The following FAT3 variants were observed in gnomAD, a reference collection of about 807,000 sequenced individuals.
The protein encoded by FAT3 is protocadherin Fat 3.
FAT3 carries 95 observed loss-of-function variants against 310.2 expected under a neutral mutation model. The ratio of observed to expected loss-of-function variants is 0.31; its 90% confidence interval spans 0.26 to 0.36. FAT3 has a LOEUF of 0.36. Among genes scored for constraint, FAT3 ranks in the 10% least tolerant of loss-of-function variants. The pLI is 1.00. For synonymous variants in FAT3, 2,314 were observed against 2,192.9 expected, an observed-to-expected ratio of 1.06 and a Z score of -1.54; for missense variants, 5,408 against 5,715.6, an observed-to-expected ratio of 0.95 and a Z score of 1.74.
chr11:92,713,538 C>T (rs954249215), intron 4 of FAT3, among the ~76,000 whole-genome samples: 1 of 152,192 alleles, frequency 6.6e-6, no homozygotes, highest in Non-Finnish European at 1.5e-5. Context: ...TGCTCATCCA[C>T]ATGCATATTG....
intron 1 of FAT3, among the ~76,000 whole-genome samples, chr11:92,272,156 G>T (rs947847723): frequency 1.3e-5 from 2 of 152,130 alleles, no homozygotes; most frequent in Non-Finnish European, 2.9e-5. Context: ...AGATGGAGAG[G>T]TGATGGAAGG....
At chr11:92,529,178 G>C (rs1400896858) in intron 3 of FAT3, among the ~76,000 whole-genome samples, 1 of 152,156 alleles carries the variant, frequency 6.6e-6, no homozygotes, top group Non-Finnish European at 1.5e-5. Flanking sequence ...ACCATTTAAG[G>C]CAGCTTATTT....
chr11:92,752,093 G>A (rs761928856), intron 4 of FAT3, among the ~76,000 whole-genome samples: 9 of 152,184 alleles, frequency 5.9e-5, no homozygotes, highest in Non-Finnish European at 7.3e-5. Context: ...TCTGTTAAGG[G>A]CACTTAACAG....
At chr11:92,599,466 A>G (rs1344971089) in intron 3 of FAT3, among the ~76,000 whole-genome samples, 1 of 152,162 alleles carries the variant, frequency 6.6e-6, no homozygotes, top group Non-Finnish European at 1.5e-5. Context: ...TGGGAACTAC[A>G]GTTCAAGACG....
In FAT3 at chr11:92,466,903, G is replaced by A. The variant is rs558943963; in HGVS notation, c.3293-57731G>A. ...CAATTTCATCCATGTCCCTACAAAGGACATGAACTCATCATTTTGTATGGC... is the reference window on the plus strand; with the variant it reads ...CAATTTCATCCATGTCCCTACAAAGAACATGAACTCATCATTTTGTATGGC... On this transcript the variant is annotated intron_variant, in intron 2 of 27. Coordinates refer to ENST00000525166, the MANE Select transcript of FAT3 (RefSeq NM_001367949.2). Among the ~76,000 whole-genome samples, 123 of 151,726 alleles carry A rather than the reference G, an allele frequency of 8.1e-4. 1 individual carries two copies. The South Asian group carries it at 0.025, about 31-fold the overall frequency.
At chr11:92,360,019 G>C (rs1406154172) in intron 2 of FAT3, among the ~76,000 whole-genome samples, 1 of 151,482 alleles carries the variant, frequency 6.6e-6, no homozygotes, top group Non-Finnish European at 1.5e-5. Flanking sequence ...TGGGTCAAAT[G>C]GTATTTCTAG....
intron 1 of FAT3, among the ~76,000 whole-genome samples, chr11:92,262,274 A>G (rs1865590100): frequency 6.6e-6 from 1 of 152,136 alleles, no homozygotes; most frequent in African/African-American, 2.4e-5. Context: ...AGCCTTCAGA[A>G]TTCCTCATCT....
chr11:92,702,180 TAGAC>T (rs919717876), intron 4 of FAT3, among the ~76,000 whole-genome samples: 2 of 152,176 alleles, frequency 1.3e-5, no homozygotes, highest in African/African-American at 4.8e-5. Context: ...CGCTGTCTGT[TAGAC>T]AGTACATGTT....
At chr11:92,468,298 A>G (rs534702262) in intron 2 of FAT3, among the ~76,000 whole-genome samples, 1 of 152,340 alleles carries the variant, frequency 6.6e-6, no homozygotes, top group East Asian at 1.9e-4. Context: ...TTGAGATTCC[A>G]TTCTCTTAGA....
At chr11:92,785,951 C>T (rs1946881330) in intron 7 of FAT3, among the ~76,000 whole-genome samples, 1 of 152,098 alleles carries the variant, frequency 6.6e-6, no homozygotes. Flanking sequence ...ATAATTAAAA[C>T]ATGTTGGTAC....
intron 2 of FAT3, among the ~76,000 whole-genome samples, chr11:92,450,280 A>G (rs1387465329): frequency 6.6e-6 from 1 of 152,304 alleles, no homozygotes; most frequent in East Asian, 1.9e-4. Flanking sequence ...TTTAACCTTG[A>G]CATTGGATGG....
At chr11:92,372,757 T>G in intron 2 of FAT3, among the ~76,000 whole-genome samples, 1 of 151,854 alleles carries the variant, frequency 6.6e-6, no homozygotes, top group Non-Finnish European at 1.5e-5. Flanking sequence ...GCCTCCCGGG[T>G]TCATGCCATT....
intron 3 of FAT3, among the ~76,000 whole-genome samples, chr11:92,576,851 A>G (rs1162033937): frequency 6.6e-6 from 1 of 152,064 alleles, no homozygotes; most frequent in Non-Finnish European, 1.5e-5. Context: ...CACTGAAGCT[A>G]TTTTTTTAAA....
intron 3 of FAT3, among the ~76,000 whole-genome samples, chr11:92,564,957 T>C: frequency 7.0e-6 from 1 of 142,598 alleles, no homozygotes; most frequent in African/African-American, 2.5e-5. Flanking sequence ...ATTGACACCC[T>C]AACATCACAA....
intron 2 of FAT3, among the ~76,000 whole-genome samples, chr11:92,357,780 G>A (rs533402337): frequency 2.6e-4 from 40 of 152,026 alleles, no homozygotes; most frequent in African/African-American, 8.4e-4. Context: ...TTTTCCCACA[G>A]GTAACTTGCT....
intron 4 of FAT3, among the ~76,000 whole-genome samples, chr11:92,726,437 T>A (rs569826787): frequency 2.2e-4 from 34 of 152,266 alleles, no homozygotes; most frequent in Admixed American, 9.8e-4. Flanking sequence ...CAATGGGAAC[T>A]GGTGAAATTG....
chr11:92,682,769 G>A (rs938326024), intron 3 of FAT3, among the ~76,000 whole-genome samples: 5 of 152,122 alleles, frequency 3.3e-5, no homozygotes, highest in Non-Finnish European at 5.9e-5. Context: ...AGGGAATGGG[G>A]AGGAAGTGCT....
Position 92,336,186 on chromosome 11 carries a change from G to A in FAT3, c.-17-15910G>A, listed in dbSNP as rs1270867633. The A allele has an allele frequency of 1.1e-5, 6 of 565,520 alleles. No individual in the cohort carries two copies. The African/African-American group carries it at 1.1e-4, about 11-fold the overall frequency. 35.0% of individuals were successfully genotyped at this position (565,520 alleles called of 1,614,324 possible). On this transcript the variant is annotated intron_variant, in intron 1 of 27. Transcript: ENST00000525166. Reference sequence around the variant, plus strand: ...GTAATCAGGCAGATAGGCCACAAAGGTGCTGCCAAGGACCGGGACAATGGA... The same window carrying A: ...GTAATCAGGCAGATAGGCCACAAAGATGCTGCCAAGGACCGGGACAATGGA...
At chr11:92,753,772 T>TGG (rs1945889138) in intron 4 of FAT3, among the ~76,000 whole-genome samples, 1 of 115,332 alleles carries the variant, frequency 8.7e-6, no homozygotes, top group African/African-American at 4.2e-5. Context: ...AAAGAAACTG[T>TGG]GGTGTGTGTG....
Sources: allele counts gnomAD v4.1 joint callset (sites outside exome capture counted in the v4.1 genomes callset), GRCh38; gene constraint gnomAD v4.1.1; transcripts MANE v1.5; gene names NCBI Gene and HGNC (gene_info 2026-07-23, HGNC 2026-07-21).